SEZ6L2: variants seen among roughly 807,000 people sequenced by gnomAD.
SEZ6L2 encodes seizure related 6 homolog like 2.
A neutral mutation model predicts 97.0 loss-of-function variants in SEZ6L2; 44 were observed. The ratio of observed to expected loss-of-function variants is 0.45; its 90% CI spans 0.36 to 0.58. The LOEUF (loss-of-function observed/expected upper bound fraction) is 0.58, where lower values mean the gene tolerates loss of function less well. SEZ6L2 is among the 20% of genes least tolerant of loss of function. The pLI is 0.00. For synonymous variants in SEZ6L2, 543 were observed against 546.1 expected, an observed-to-expected ratio of 0.99 and a Z score of 0.08; for missense variants, 1,086 against 1,233.3, an observed-to-expected ratio of 0.88 and a Z score of 1.79.
chr16:29,887,217 T>G (rs1756501948), intron 7 of SEZ6L2, among the ~76,000 whole-genome samples: 1 of 147,846 alleles, frequency 6.8e-6, no homozygotes, highest in Non-Finnish European at 1.5e-5. Flanking sequence ...GGCTTAGGAC[T>G]AAGCTGTGAT....
At chr16:29,898,088 G>A in intron 1 of SEZ6L2, 104 bp from the exon 2 acceptor site, 1 of 1,525,870 alleles carries the variant, frequency 6.6e-7, no homozygotes, top group Non-Finnish European at 8.8e-7. Flanking sequence ...AGCTGGGCCT[G>A]CAGGGGCTCA....
intron 9 of SEZ6L2, among the ~76,000 whole-genome samples, chr16:29,879,366 C>T (rs1272313345): frequency 6.6e-6 from 1 of 151,990 alleles, no homozygotes. Flanking sequence ...GCTGGGATTA[C>T]AGGCATGCAT....
intron 12 of SEZ6L2, among the ~76,000 whole-genome samples, chr16:29,875,636 C>T (rs1420472717): frequency 1.3e-5 from 2 of 148,404 alleles, no homozygotes; most frequent in Middle Eastern, 6.3e-3. Context: ...TTCTGCTCTT[C>T]AATTTTCTTT....
rs2068197937 is a variant in SEZ6L2, at chr16:29,888,580, G to A, written c.999C>T (p.Gly333=). 1.2e-6 allele frequency: 2 copies of A among 1,613,864 alleles called. No individual in the cohort carries two copies. Among genetic ancestry groups the A allele is most frequent in the African/African-American group, 1.3e-5 (1 of 74,864 alleles). ...QGEETLICLN[G]TRPSWNGETP... ...TTTCACCGTTCCAGGATGGCCGGGT[G>A]CCATTGAGGCAGATGAGGGTCTCCT... is the stretch of plus-strand genomic sequence containing the variant. Residue 333 remains glycine, a synonymous_variant, in exon 6 of 18, where the codon GGC becomes GGT. Coordinates refer to ENST00000617533, the MANE Select transcript of SEZ6L2 (RefSeq NM_001243332.2).
At position 29,885,576 on chromosome 16, in the gene SEZ6L2, G is replaced by A; in HGVS notation, c.1372+10C>T. The A allele has an allele frequency of 6.2e-7, 1 of 1,611,122 alleles. No homozygotes were observed. The highest frequency in any genetic ancestry group is 8.5e-7 in the Non-Finnish European group (1 of 1,177,786). ...GCGGTTGGGGTCCTGTGGGGGAGTG[G>A]GTCACTTACCTTCAAATCGAAGGCT... On this transcript the variant is annotated intron_variant, in intron 8 of 17. Transcript: ENST00000617533.
At chr16:29,878,177 C>G in intron 10 of SEZ6L2, 110 bp downstream of exon 10, 2 of 1,330,380 alleles carry the variant, frequency 1.5e-6, no homozygotes, top group Non-Finnish European at 1.0e-6. Flanking sequence ...CCACCGAATT[C>G]TGGATAGATA....
At position 29,888,795 on chromosome 16, in the gene SEZ6L2, A is replaced by G. The variant is rs1275006365; in HGVS notation, c.854-70T>C. The G allele has an allele frequency of 3.6e-6, 5 of 1,382,788 alleles. No individual in the cohort carries two copies. In the East Asian group the frequency reaches 1.2e-4, roughly 34 times the overall value. 85.7% of individuals were successfully genotyped at this position (1,382,788 alleles called of 1,614,324 possible). Reference sequence around the variant, plus strand: ...CACCCTCTCATACTGATCCCCCAGCACTTCCCCCCTCTCCTTTCAGGCCAA... The same window carrying G: ...CACCCTCTCATACTGATCCCCCAGCGCTTCCCCCCTCTCCTTTCAGGCCAA... On this transcript the variant is annotated intron_variant, in intron 5 of 17. Coordinates refer to ENST00000617533, the MANE Select transcript of SEZ6L2 (RefSeq NM_001243332.2).
rs751391951 is a variant in SEZ6L2 at position 29,871,737 on chromosome 16, A to G, written c.2743-9T>C. 2 of 1,607,338 alleles carry G rather than the reference A, an allele frequency of 1.2e-6. No individual in the cohort carries two copies. The highest frequency in any genetic ancestry group is 1.7e-6 in the Non-Finnish European group (2 of 1,176,780). On this transcript the variant is annotated splice_polypyrimidine_tract_variant and intron_variant, in intron 17 of 17. Transcript: ENST00000617533. ...TCATACTCCCGCGTATCCTGAAGAC[A>G]GAGAGATCAGGTCAGTTGTTGGAGT...
chr16:29,894,898 G>A (rs575540321), intron 5 of SEZ6L2, among the ~76,000 whole-genome samples: 22 of 152,148 alleles, frequency 1.4e-4, no homozygotes, highest in African/African-American at 5.1e-4. Context: ...CCCCTCTATA[G>A]GCCGGGCACA....
At position 29,873,808 on chromosome 16, in the gene SEZ6L2, T is replaced by C; in HGVS notation, c.2105-79A>G. 1 of 1,337,306 alleles carries C rather than the reference T, an allele frequency of 7.5e-7. No individual in the cohort carries two copies. Among genetic ancestry groups the C allele is most frequent in the Non-Finnish European group, 1.0e-6 (1 of 995,690 alleles). 82.8% of individuals were successfully genotyped at this position (1,337,306 alleles called of 1,614,324 possible). A position where few individuals can be genotyped will look rare whatever the true frequency, so the allele number is the denominator to read the frequency against. ...GGGCAACACAGAGAGACCCCATCTC[T>C]ACAAAAAATTGAAAAATTAGCCAGG... is the stretch of plus-strand genomic sequence containing the variant. On this transcript the variant is annotated intron_variant, in intron 12 of 17. Transcript: ENST00000617533. This position sits in a 1 kb window ranked among gnomAD's most constrained non-coding sequence, Gnocchi z 4.3.
chr16:29,887,838 C>T (rs374981405), intron 6 of SEZ6L2, 21 bp from the exon 7 acceptor site: 630 of 1,612,176 alleles, frequency 3.9e-4, no homozygotes, highest in Non-Finnish European at 4.9e-4. Context: ...AGGAGGGGTA[C>T]GTTAAGGCCA....
chr16:29,895,646 G>C, intron 4 of SEZ6L2, 75 bp downstream of exon 4: 2 of 1,527,854 alleles, frequency 1.3e-6, no homozygotes, highest in Non-Finnish European at 1.8e-6. Context: ...TGGCTCCCAG[G>C]CCAAACCCGT....
chr16:29,894,870 G>A (rs1357400705), intron 5 of SEZ6L2, among the ~76,000 whole-genome samples: 4 of 152,010 alleles, frequency 2.6e-5, no homozygotes, highest in African/African-American at 4.8e-5. Flanking sequence ...CCTGTGCTTC[G>A]ATGGTTCTTA....
intron 10 of SEZ6L2, among the ~76,000 whole-genome samples, chr16:29,877,697 A>G (rs1278267467): frequency 2.6e-5 from 4 of 151,944 alleles, no homozygotes; most frequent in African/African-American, 7.3e-5. Context: ...CTACTACCCA[A>G]TCCCTAAGCT....
At chr16:29,872,091 A>G in intron 17 of SEZ6L2, 96 bp downstream of exon 17, 6 of 1,063,288 alleles carry the variant, frequency 5.6e-6, no homozygotes, top group Non-Finnish European at 8.2e-6. Flanking sequence ...CTGAGTTTGA[A>G]ATTCCCAAGA....
rs553207421 is a variant in SEZ6L2 at position 29,876,703 on chromosome 16, G to A, written c.2104+53C>T. ...GGTCGGGACAGGACAGGCCGACGACGGGGCCCACAGGGAAGGGGCGGGGCC... is the reference window on the plus strand; with the variant it reads ...GGTCGGGACAGGACAGGCCGACGACAGGGCCCACAGGGAAGGGGCGGGGCC... On this transcript the variant is annotated intron_variant, in intron 12 of 17. Coordinates refer to ENST00000617533, the MANE Select transcript of SEZ6L2 (RefSeq NM_001243332.2). The surrounding 1 kb of genome is among the most constrained non-coding windows in gnomAD (Gnocchi z 6.5). The A allele has an allele frequency of 2.3e-5, 34 of 1,462,462 alleles. No individual in the cohort carries two copies. The East Asian group carries it at 5.8e-4, about 25-fold the overall frequency. The allele number at this position is 1,462,462 out of a possible 1,614,324, so 90.6% of individuals were successfully genotyped here.
intron 3 of SEZ6L2, among the ~76,000 whole-genome samples, chr16:29,896,429 G>A (rs950015570): frequency 6.6e-6 from 1 of 152,010 alleles, no homozygotes; most frequent in African/African-American, 2.4e-5. Flanking sequence ...ACAGGCATGC[G>A]CCACCACGCC....
chr16:29,892,908 T>C (rs1157176346), intron 5 of SEZ6L2, among the ~76,000 whole-genome samples: 2 of 151,676 alleles, frequency 1.3e-5, no homozygotes, highest in African/African-American at 2.4e-5. Flanking sequence ...TGTACACACA[T>C]GTGCAGGTCA....
intron 1 of SEZ6L2, among the ~76,000 whole-genome samples, chr16:29,898,453 C>CG (rs2068455604): frequency 6.6e-6 from 1 of 151,932 alleles, no homozygotes. Flanking sequence ...CTCTCCCCCC[C>CG]ACCCTCTCTC....
Sources: gnomAD v4.1 joint callset for allele counts (sites outside exome capture counted in the v4.1 genomes callset) on GRCh38, gnomAD v4.1.1 for gene constraint, Gnocchi (gnomAD v3.1) non-coding constraint, MANE v1.5 for transcripts, NCBI Gene and HGNC (gene_info 2026-07-23, HGNC 2026-07-21) for gene names.